Variants in NBEA observed in about 807,000 individuals in gnomAD.
NBEA encodes the protein neurobeachin.
Under a neutral mutation model 343.4 loss-of-function variants are expected in NBEA, and 44 were observed. The ratio of observed to expected loss-of-function variants is 0.13; its 90% confidence interval spans 0.10 to 0.16. The LOEUF (loss-of-function observed/expected upper bound fraction) is 0.16, where lower values mean the gene tolerates loss of function less well. NBEA is among the 10% of genes least tolerant of loss of function. NBEA has a pLI of 1.00. For synonymous variants in NBEA, 1,175 were observed against 1,238.7 expected (o/e 0.95, Z 1.08); for missense variants, 2,555 against 3,631.3 (o/e 0.70, Z 7.62).
At chr13:35,424,648 A>T (rs904458022) in intron 38 of NBEA, among the ~76,000 whole-genome samples, 1 of 152,152 alleles carries the variant, frequency 6.6e-6, no homozygotes, top group African/African-American at 2.4e-5. Context: ...TGGTATCAGG[A>T]TGATGCTGGC....
intron 34 of NBEA, among the ~76,000 whole-genome samples, chr13:35,235,658 A>C (rs1443391991): frequency 1.3e-5 from 2 of 152,202 alleles, no homozygotes; most frequent in African/African-American, 4.8e-5. Context: ...TGTATTGGAA[A>C]ATCAGGAACC....
chr13:35,310,377 G>A (rs1034864420), intron 36 of NBEA, among the ~76,000 whole-genome samples: 8 of 152,042 alleles, frequency 5.3e-5, no homozygotes, highest in Admixed American at 2.0e-4. Flanking sequence ...GTTTTTATCC[G>A]GTCAGTGGCA....
chr13:35,520,227 C>T (rs2077646365), intron 41 of NBEA, among the ~76,000 whole-genome samples: 1 of 152,202 alleles, frequency 6.6e-6, no homozygotes, highest in African/African-American at 2.4e-5. Flanking sequence ...AGGTTGGGGA[C>T]TCTTGCTCTA....
chr13:34,946,712 T>G (rs1041480799), intron 1 of NBEA, among the ~76,000 whole-genome samples: 2 of 151,604 alleles, frequency 1.3e-5, no homozygotes, highest in African/African-American at 4.8e-5. Context: ...TTTTTTTTTT[T>G]TTTACATTCT....
At chr13:35,454,688 G>A (rs540711714) in intron 40 of NBEA, among the ~76,000 whole-genome samples, 12 of 151,954 alleles carry the variant, frequency 7.9e-5, no homozygotes, top group African/African-American at 1.9e-4. Context: ...GTGAAACCCC[G>A]TCTCTACTAA....
chr13:35,569,240 G>A (rs1047233586), intron 45 of NBEA, among the ~76,000 whole-genome samples: 2 of 152,138 alleles, frequency 1.3e-5, no homozygotes, highest in East Asian at 1.9e-4. Context: ...ATTTTGGGGT[G>A]TAAAACAAAA....
chr13:35,539,598 T>A (rs1293743428), intron 41 of NBEA, among the ~76,000 whole-genome samples: 2 of 152,046 alleles, frequency 1.3e-5, no homozygotes, highest in African/African-American at 4.8e-5. Flanking sequence ...AAAAAATGTT[T>A]GAAGCTATAA....
At chr13:35,410,460 C>T (rs2043516676) in intron 38 of NBEA, among the ~76,000 whole-genome samples, 1 of 151,822 alleles carries the variant, frequency 6.6e-6, no homozygotes, top group Non-Finnish European at 1.5e-5. Context: ...GAAAGAAGAC[C>T]CTGAAATAAT....
At chr13:35,221,226 C>T (rs764420351) in intron 33 of NBEA, among the ~76,000 whole-genome samples, 1 of 151,986 alleles carries the variant, frequency 6.6e-6, no homozygotes, top group Non-Finnish European at 1.5e-5. Flanking sequence ...TGCCTGTAAT[C>T]CCAGCTACTT....
chr13:34,969,771 G>GTT (rs561654911), intron 1 of NBEA, among the ~76,000 whole-genome samples: 7 of 145,942 alleles, frequency 4.8e-5, no homozygotes, highest in Non-Finnish European at 9.1e-5. Flanking sequence ...TATATACCAC[G>GTT]TTTTTTTTTT....
chr13:34,961,795 A>T (rs181785149), intron 1 of NBEA, among the ~76,000 whole-genome samples: 539 of 152,106 alleles, frequency 3.5e-3, no homozygotes, highest in Non-Finnish European at 6.2e-3. Context: ...TATAAAGGTG[A>T]TGAAGCTTGA....
rs1347488384 is a variant in NBEA at position 34,987,354 on chromosome 13, G to A, written c.294+44240G>A. 2.6e-5 allele frequency among the ~76,000 whole-genome samples: 4 copies of A among 150,958 alleles called. 1 individual carries two copies. The highest frequency in any genetic ancestry group is 2.4e-5 in the African/African-American group (1 of 41,326). On this transcript the variant is annotated intron_variant, in intron 1 of 58. Coordinates refer to ENST00000379939, the MANE Select transcript of NBEA (RefSeq NM_001385012.1). ...TCTTCTGGCTTGTAGAGTTTCTGCC[G>A]AGAGATCTGCTGTTAGTCTGATGGG...
intron 37 of NBEA, 28 bp from the exon 38 acceptor site, chr13:35,352,129 A>AT (rs754674066): frequency 8.9e-6 from 12 of 1,352,318 alleles, no homozygotes; most frequent in Admixed American, 2.6e-5. Context: ...AAAGTTTATT[A>AT]TTATGCATCA....
At chr13:35,072,585 A>T (rs1420005543) in intron 10 of NBEA, among the ~76,000 whole-genome samples, 5 of 151,808 alleles carry the variant, frequency 3.3e-5, no homozygotes, top group African/African-American at 9.7e-5. Flanking sequence ...TTTGAGATGG[A>T]GTCTTACTCT....
intron 38 of NBEA, among the ~76,000 whole-genome samples, chr13:35,405,666 A>G (rs1234920829): frequency 6.6e-6 from 1 of 152,152 alleles, no homozygotes; most frequent in Non-Finnish European, 1.5e-5. Context: ...CAATTGTACA[A>G]TTTAGCATTT....
intron 30 of NBEA, among the ~76,000 whole-genome samples, chr13:35,185,104 A>G (rs901055070): frequency 1.3e-5 from 2 of 152,104 alleles, no homozygotes; most frequent in African/African-American, 4.8e-5. Context: ...ATTTGACATG[A>G]AGGAGGATCT....
At chr13:35,374,481 C>T (rs1480399186) in intron 38 of NBEA, among the ~76,000 whole-genome samples, 3 of 152,106 alleles carry the variant, frequency 2.0e-5, no homozygotes, top group Non-Finnish European at 2.9e-5. Flanking sequence ...TTGCTTGATA[C>T]AGGGTTGTCA....
chr13:35,411,647 T>TTTGTTGTTG (rs145728162), intron 38 of NBEA, among the ~76,000 whole-genome samples: 7 of 148,644 alleles, frequency 4.7e-5, no homozygotes, highest in African/African-American at 7.7e-5. Flanking sequence ...TGTTTTTTGT[T>TTTGTTGTTG]TTGTTGTTGT....
At chr13:35,267,866 G>C (rs1482501037) in intron 34 of NBEA, among the ~76,000 whole-genome samples, 1 of 151,638 alleles carries the variant, frequency 6.6e-6, no homozygotes, top group Non-Finnish European at 1.5e-5. Context: ...AATAACAAAT[G>C]TTGGTAAGGT....
Sources: gnomAD v4.1 joint callset for allele counts (sites outside exome capture counted in the v4.1 genomes callset) on GRCh38, gnomAD v4.1.1 for gene constraint, MANE v1.5 for transcripts, NCBI Gene and HGNC (gene_info 2026-07-23, HGNC 2026-07-21) for gene names.